Variants in FNTB observed in about 807,000 individuals in gnomAD.
The protein encoded by FNTB is protein farnesyltransferase subunit beta.
Under a neutral mutation model 59.4 loss-of-function variants are expected in FNTB, and 27 were observed. The ratio of observed to expected loss-of-function variants is 0.45; its 90% confidence interval spans 0.34 to 0.63. The LOEUF is 0.63. Among genes scored for constraint, FNTB ranks in the 20% least tolerant of loss-of-function variants. FNTB has a pLI of 0.02. For missense variants in FNTB, 449 were observed against 559.6 expected (o/e 0.80, Z 1.99); for synonymous variants, 230 against 220.7 (o/e 1.04, Z -0.37).
At chr14:64,998,280 C>T (rs1888477885) in intron 1 of FNTB, among the ~76,000 whole-genome samples, 1 of 152,162 alleles carries the variant, frequency 6.6e-6, no homozygotes, top group Non-Finnish European at 1.5e-5. Context: ...GACAGAGGCT[C>T]TCTAAAAGAA....
chr14:65,009,353 C>CTGGCGCT lies in FNTB; in HGVS notation c.210-2963_210-2962insGGCGCTT, dbSNP rs1378801361. Among the ~76,000 whole-genome samples, 1,393 of 152,262 alleles carry CTGGCGCT rather than the reference C, an allele frequency of 9.1e-3. 22 individuals are homozygous for CTGGCGCT. The highest frequency in any genetic ancestry group is 0.031 in the African/African-American group (1,291 of 41,520). On this transcript the variant is annotated intron_variant, in intron 2 of 11. Transcript: ENST00000246166. The surrounding 1 kb of genome is among the most constrained non-coding windows in gnomAD (Gnocchi z 4.2). Reference sequence around the variant, plus strand: ...ATTTCTTAATTTCACTGGCGCTTCACTAACTGCCTTATAATCCTTTTATTC... The same window carrying CTGGCGCT: ...ATTTCTTAATTTCACTGGCGCTTCACTGGCGCTTAACTGCCTTATAATCCTTTTATTC...
chr14:65,021,400 A>G (rs1382349328), intron 4 of FNTB, among the ~76,000 whole-genome samples: 2 of 152,210 alleles, frequency 1.3e-5, no homozygotes, highest in Admixed American at 1.3e-4. Context: ...TTAGTAGCTT[A>G]TCCCCGGAAT....
rs1228344753 is a variant in FNTB at position 65,031,050 on chromosome 14, C to T, written c.606-1560C>T. On this transcript the variant is annotated intron_variant, in intron 6 of 11. Coordinates refer to ENST00000246166, the MANE Select transcript of FNTB (RefSeq NM_002028.4). This position sits in a 1 kb window ranked among gnomAD's most constrained non-coding sequence, Gnocchi z 4.6. ...CTCGAACTCCTGACCTCAAATAATC[C>T]ACCTGCCTTAGCCTCCCAAAGTGCT... is the stretch of plus-strand genomic sequence containing the variant. Among the ~76,000 whole-genome samples, 4 of 151,994 alleles carry T rather than the reference C, an allele frequency of 2.6e-5. No individual in the cohort carries two copies. The highest frequency in any genetic ancestry group is 7.3e-5 in the African/African-American group (3 of 41,378).
chr14:65,017,379 G>A (rs911426325), intron 4 of FNTB, among the ~76,000 whole-genome samples: 1 of 152,190 alleles, frequency 6.6e-6, no homozygotes, highest in Non-Finnish European at 1.5e-5. Context: ...GGGGATTTCT[G>A]TGAGCCTGGA....
chr14:64,998,869 G>A lies in FNTB; in HGVS notation c.145-5380G>A, dbSNP rs141925179. Among the ~76,000 whole-genome samples, 353 of 152,218 alleles carry A rather than the reference G, an allele frequency of 2.3e-3. 4 individuals are homozygous for A. The highest frequency in any genetic ancestry group is 0.015 in the Admixed American group (235 of 15,296). On this transcript the variant is annotated intron_variant, in intron 1 of 11. Transcript: ENST00000246166. ...CTTGAGTAAGAGGAATGGTTTCTAT[G>A]ACTCATAGCAGCATTATTCATAATA...
At chr14:65,041,560 G>A (rs1595077603) in intron 8 of FNTB, among the ~76,000 whole-genome samples, 1 of 151,816 alleles carries the variant, frequency 6.6e-6, no homozygotes, top group Non-Finnish European at 1.5e-5. Flanking sequence ...TGTACCCCCT[G>A]ACCATGACGT....
At chr14:65,046,527 C>A (rs950107468) in intron 9 of FNTB, among the ~76,000 whole-genome samples, 2 of 152,154 alleles carry the variant, frequency 1.3e-5, no homozygotes, top group African/African-American at 4.8e-5. Context: ...TAGTGGCATT[C>A]AAAGCTTTGT....
chr14:65,011,431 GAAAAAA>G lies in FNTB; in HGVS notation c.210-870_210-865del, dbSNP rs767329195. 9.4e-4 allele frequency among the ~76,000 whole-genome samples: 75 copies of G among 80,082 alleles called. No homozygotes were observed. In the East Asian group the frequency reaches 0.023, roughly 24 times the overall value. 52.5% of individuals were successfully genotyped at this position (80,082 alleles called of 152,430 possible). On this transcript the variant is annotated intron_variant, in intron 2 of 11. Coordinates refer to ENST00000246166, the MANE Select transcript of FNTB (RefSeq NM_002028.4). This position sits in a 1 kb window ranked among gnomAD's most constrained non-coding sequence, Gnocchi z 4.0. The stretch of plus-strand genomic sequence containing the variant: ...GTGACAGAGCGAGACTCCGTCTCAG[GAAAAAA>G]AAAAAAAAAAAAAAAGACTGCATGA...
At chr14:65,052,027 C>T (rs567521378) in intron 9 of FNTB, among the ~76,000 whole-genome samples, 2 of 152,218 alleles carry the variant, frequency 1.3e-5, no homozygotes, top group East Asian at 3.9e-4. Context: ...GATCTCCTGA[C>T]CTCGTGATCA....
intron 1 of FNTB, among the ~76,000 whole-genome samples, chr14:64,988,213 C>G (rs904682662): frequency 6.6e-6 from 1 of 152,182 alleles, no homozygotes; most frequent in African/African-American, 2.4e-5. Flanking sequence ...ATTTAAACTT[C>G]ATGGAATTTA....
intron 7 of FNTB, among the ~76,000 whole-genome samples, chr14:65,040,281 G>GTA (rs1231331949): frequency 6.7e-6 from 1 of 148,592 alleles, no homozygotes; most frequent in East Asian, 1.9e-4. Context: ...ATATATATGT[G>GTA]TGTATATATA....
intron 3 of FNTB, 25 bp from the exon 4 acceptor site, chr14:65,015,600 G>A (rs747086804): frequency 8.7e-6 from 14 of 1,612,990 alleles, no homozygotes; most frequent in Admixed American, 1.7e-5. Flanking sequence ...AATAAGGGAT[G>A]TTTTCTCTCC....
At chr14:65,058,745 A>G (rs1174091975) in intron 11 of FNTB, among the ~76,000 whole-genome samples, 2 of 152,130 alleles carry the variant, frequency 1.3e-5, no homozygotes, top group African/African-American at 2.4e-5. Context: ...GATATGTTTC[A>G]TTAATATTCT....
chr14:64,987,552 T>A (rs1887997979), intron 1 of FNTB: 2 of 169,164 alleles, frequency 1.2e-5, no homozygotes, highest in Non-Finnish European at 2.6e-5. Context: ...ATTTTTGACC[T>A]ACAGTGCCAG....
intron 2 of FNTB, among the ~76,000 whole-genome samples, chr14:65,008,774 A>G (rs1332630453): frequency 6.6e-6 from 1 of 152,216 alleles, no homozygotes; most frequent in Non-Finnish European, 1.5e-5. Context: ...GTGGAGGCAC[A>G]TTGTGAAGAG....
chr14:65,053,625 T>A (rs1312326727), intron 10 of FNTB, among the ~76,000 whole-genome samples: 58 of 146,318 alleles, frequency 4.0e-4, no homozygotes, highest in Non-Finnish European at 7.1e-4. Context: ...CTTCTTTTTT[T>A]TAAAAAAAAC....
rs565013316 is a variant in FNTB, at chr14:65,017,682, T to G, written c.374+1966T>G. On this transcript the variant is annotated intron_variant, in intron 4 of 11. Coordinates refer to ENST00000246166, the MANE Select transcript of FNTB (RefSeq NM_002028.4). The stretch of plus-strand genomic sequence containing the variant: ...TTTTTTTTAAATGTAAAGCTGGGTG[T>G]GGTGGCTCACGCCTGTAATCCCAAG... Among the ~76,000 whole-genome samples the G allele has an allele frequency of 3.9e-5, 6 of 152,250 alleles. No individual in the cohort carries two copies. In the South Asian group the frequency reaches 1.2e-3, roughly 32 times the overall value.
intron 1 of FNTB, among the ~76,000 whole-genome samples, chr14:64,999,141 GA>G (rs1368115333): frequency 6.6e-6 from 1 of 152,208 alleles, no homozygotes; most frequent in Non-Finnish European, 1.5e-5. Context: ...TATAGAGATA[GA>G]AAGTAAATTA....
intron 1 of FNTB, 133 bp downstream of exon 1, chr14:64,987,230 T>C: frequency 4.5e-6 from 5 of 1,120,118 alleles, no homozygotes; most frequent in Non-Finnish European, 6.3e-6. Flanking sequence ...GCCTTTCCTC[T>C]GGGAAGCTCC....
Sources: allele counts gnomAD v4.1 joint callset (sites outside exome capture counted in the v4.1 genomes callset), GRCh38; gene constraint gnomAD v4.1.1; non-coding constraint Gnocchi (gnomAD v3.1); transcripts MANE v1.5; gene names NCBI Gene and HGNC (gene_info 2026-07-23, HGNC 2026-07-21).